Variants in RIC1 observed in about 807,000 individuals in gnomAD.
RIC1 encodes RIC1 partner of RAB6A GEF complex, also known as guanine nucleotide exchange factor subunit RIC1.
In RIC1, 88 loss-of-function variants were observed where a neutral mutation model predicts 169.0. The ratio of observed to expected loss-of-function variants is 0.52; its 90% CI spans 0.44 to 0.62. The LOEUF (loss-of-function observed/expected upper bound fraction) is 0.62, where lower values mean the gene tolerates loss of function less well. Ranked by LOEUF, RIC1 falls within the 20% of genes least tolerant of loss-of-function variation. The pLI, the probability that RIC1 is intolerant of heterozygous loss-of-function variation, is 0.00. For synonymous variants in RIC1, 790 were observed against 601.5 expected (o/e 1.31, Z -4.59); for missense variants, 1,877 against 1,725.5 (o/e 1.09, Z -1.56).
intron 17 of RIC1, among the ~76,000 whole-genome samples, chr9:5,759,652 T>C (rs979155409): frequency 1.3e-5 from 2 of 152,162 alleles, no homozygotes; most frequent in African/African-American, 4.8e-5. Flanking sequence ...AATTGTAAAT[T>C]TTATTGGATG....
At chr9:5,740,840 C>T (rs1825043052) in intron 8 of RIC1, among the ~76,000 whole-genome samples, 1 of 152,072 alleles carries the variant, frequency 6.6e-6, no homozygotes. Context: ...TCAATTCAGT[C>T]AAGTTGACAC....
intron 6 of RIC1, among the ~76,000 whole-genome samples, chr9:5,726,566 A>G (rs978944710): frequency 1.1e-4 from 17 of 152,124 alleles, no homozygotes; most frequent in Non-Finnish European, 1.8e-4. Flanking sequence ...TAAGGTTACT[A>G]TTGTTATGTG....
chr9:5,707,356 T>C (rs1217535602), intron 3 of RIC1, among the ~76,000 whole-genome samples: 2 of 152,130 alleles, frequency 1.3e-5, no homozygotes, highest in Admixed American at 6.5e-5. Flanking sequence ...TATTCTGCTG[T>C]TGGGTGGCAT....
intron 2 of RIC1, among the ~76,000 whole-genome samples, chr9:5,679,202 A>G (rs1460709716): frequency 1.3e-5 from 2 of 152,102 alleles, no homozygotes; most frequent in Non-Finnish European, 2.9e-5. Flanking sequence ...CCATTGGTCT[A>G]TATCTCTGTT....
intron 25 of RIC1, 144 bp from the exon 26 acceptor site, chr9:5,773,810 TTTCC>T (rs1026471284): frequency 9.9e-6 from 7 of 704,812 alleles, no homozygotes; most frequent in African/African-American, 3.6e-5. Context: ...CCAAGAAGCC[TTTCC>T]TCCCTACCTT....
chr9:5,724,305 T>C (rs1823811338), intron 6 of RIC1, among the ~76,000 whole-genome samples: 1 of 152,354 alleles, frequency 6.6e-6, no homozygotes, highest in African/African-American at 2.4e-5. Flanking sequence ...CTAGGTATTT[T>C]ATTCTCTTTG....
chr9:5,740,654 C>A (rs1170231837), intron 8 of RIC1, among the ~76,000 whole-genome samples: 1 of 150,754 alleles, frequency 6.6e-6, no homozygotes, highest in Non-Finnish European at 1.5e-5. Context: ...GGGGGCTAGG[C>A]CCGTCTCTAT....
At chr9:5,677,896 A>C (rs1820551077) in intron 2 of RIC1, among the ~76,000 whole-genome samples, 1 of 151,750 alleles carries the variant, frequency 6.6e-6, no homozygotes, top group African/African-American at 2.4e-5. Context: ...CATGTGCACA[A>C]TGTGTAGGTT....
In RIC1 at chr9:5,732,422, A is replaced by C; in HGVS notation, c.755A>C (p.Asp252Ala). 6.2e-7 allele frequency: 1 copy of C among 1,611,860 alleles called. No individual in the cohort carries two copies. The change falls in exon 7 of 26, where the codon GAC (aspartate) becomes GCC (alanine). Residue 252 changes from aspartate to alanine, a missense_variant. Transcript: ENST00000414202. ...LHGVWPQDVV[D>A]GTCVAVNNKY... ...GGAGTTTGGCCACAAGATGTTGTTG[A>C]CGGAACGTGTGTAGCAGTAAATAAC...
chr9:5,674,944 C>T (rs1199197198), intron 2 of RIC1, among the ~76,000 whole-genome samples: 4 of 152,182 alleles, frequency 2.6e-5, no homozygotes, highest in Non-Finnish European at 5.9e-5. Context: ...CAACTATGTT[C>T]TAAATAAAGT....
At chr9:5,709,193 G>A (rs1285258269) in intron 3 of RIC1, among the ~76,000 whole-genome samples, 3 of 152,100 alleles carry the variant, frequency 2.0e-5, no homozygotes, top group Non-Finnish European at 4.4e-5. Context: ...AAATCATGTG[G>A]CCACACCTAA....
chr9:5,763,511 C>G lies in RIC1; in HGVS notation c.2484C>G (p.Leu828=), dbSNP rs1826473916. Residue 828 remains leucine (L), a synonymous_variant, in exon 19 of 26, where the codon CTC becomes CTG. Coordinates refer to ENST00000414202, the MANE Select transcript of RIC1 (RefSeq NM_020829.4). This position sits in a 1 kb window ranked among gnomAD's most constrained non-coding sequence, Gnocchi z 5.2. ...TGGAGAGAACCTCTCAGATCTACCT[C>G]CACCACATTCTACGTCAACTTCTGG... ...CVVERTSQIY[L]HHILRQLLVR... 1.2e-6 allele frequency: 2 copies of G among 1,614,200 alleles called. No individual in the cohort carries two copies. The highest frequency in any genetic ancestry group is 1.7e-6 in the Non-Finnish European group (2 of 1,180,020).
intron 2 of RIC1, among the ~76,000 whole-genome samples, chr9:5,665,596 A>T (rs1435569951): frequency 6.6e-6 from 1 of 152,032 alleles, no homozygotes; most frequent in East Asian, 1.9e-4. Context: ...TTGATCTTTG[A>T]GGTTGCTGAC....
At chr9:5,740,060 G>C (rs926111168) in intron 8 of RIC1, among the ~76,000 whole-genome samples, 1 of 152,160 alleles carries the variant, frequency 6.6e-6, no homozygotes, top group Non-Finnish European at 1.5e-5. Flanking sequence ...GCTTCTGGGA[G>C]ATGGAATCCC....
At chr9:5,670,481 C>G (rs1199637806) in intron 2 of RIC1, among the ~76,000 whole-genome samples, 4 of 152,124 alleles carry the variant, frequency 2.6e-5, no homozygotes, top group African/African-American at 4.8e-5. Context: ...CTGCCTTTTT[C>G]TAGCTGTTGG....
chr9:5,735,541 A>G (rs778962937), intron 7 of RIC1, among the ~76,000 whole-genome samples: 1 of 152,198 alleles, frequency 6.6e-6, no homozygotes, highest in Non-Finnish European at 1.5e-5. Flanking sequence ...TTCATCAGCT[A>G]CGAGACTACA....
rs1437141485 is a variant in RIC1, at chr9:5,629,468, C to CCGCCGCCTTT, written c.144+22_144+31dup. The CCGCCGCCTTT allele has an allele frequency of 4.6e-6, 7 of 1,526,264 alleles. No individual in the cohort carries two copies. In the East Asian group the frequency reaches 1.5e-4, roughly 33 times the overall value. The allele number at this position is 1,526,264 out of a possible 1,614,324, so 94.5% of individuals were successfully genotyped here. ...GGTACAGCCGAGTAAGTAGAGCCGCCCGCCGCCTTTCGCCGCTGCCTCCCC... is the reference window on the plus strand; with the variant it reads ...GGTACAGCCGAGTAAGTAGAGCCGCCCGCCGCCTTTCGCCGCCTTTCGCCGCTGCCTCCCC... On this transcript the variant is annotated intron_variant, in intron 1 of 25. Coordinates refer to ENST00000414202, the MANE Select transcript of RIC1 (RefSeq NM_020829.4).
At chr9:5,694,032 T>A (rs547637649) in intron 3 of RIC1, among the ~76,000 whole-genome samples, 1 of 152,282 alleles carries the variant, frequency 6.6e-6, no homozygotes, top group South Asian at 2.1e-4. Flanking sequence ...CCTTCTCCTC[T>A]TCCCCCTCCA....
rs1232660925 is a variant in RIC1 at position 5,687,932 on chromosome 9, GTGTT to G, written c.253-2025_253-2022del. 3.9e-5 allele frequency among the ~76,000 whole-genome samples: 6 copies of G among 152,090 alleles called. No homozygotes were observed. The East Asian group carries it at 9.7e-4, about 24-fold the overall frequency. On this transcript the variant is annotated intron_variant, in intron 2 of 25. Coordinates refer to ENST00000414202, the MANE Select transcript of RIC1 (RefSeq NM_020829.4). ...ATTTTGGGTTTTTTTGTGTGTGTGT[GTGTT>G]TCATTATGGATAATTTTTATTGCTG... is the stretch of plus-strand genomic sequence containing the variant.
Sources: allele counts gnomAD v4.1 joint callset (sites outside exome capture counted in the v4.1 genomes callset), GRCh38; gene constraint gnomAD v4.1.1; non-coding constraint Gnocchi (gnomAD v3.1); transcripts MANE v1.5; gene names NCBI Gene and HGNC (gene_info 2026-07-23, HGNC 2026-07-21).